Variants in MED12L observed in about 807,000 individuals in gnomAD.
The protein encoded by MED12L is mediator complex subunit 12L, also known as mediator of RNA polymerase II transcription subunit 12-like protein.
Under a neutral mutation model 281.3 loss-of-function variants are expected in MED12L, and 60 were observed. The ratio of observed to expected loss-of-function variants is 0.21; its 90% confidence interval spans 0.17 to 0.26. The LOEUF is 0.26. Ranked by LOEUF, MED12L falls within the 10% of genes least tolerant of loss-of-function variation. The pLI is 1.00. For synonymous variants in MED12L, 974 were observed against 987.2 expected (o/e 0.99, Z 0.25); for missense variants, 2,146 against 2,680.9 (o/e 0.80, Z 4.41).
In MED12L at chr3:151,160,027, C is replaced by T. The variant is rs758266947; in HGVS notation, c.1033C>T (p.Gln345Ter). The change falls in exon 8 of 45, where the codon CAG becomes TAG. Residue 345 changes from glutamine to a stop codon, truncating the protein, a stop_gained. Coordinates refer to ENST00000687756, the MANE Select transcript of MED12L (RefSeq NM_001393769.1). LOFTEE classifies it high-confidence loss of function. The part of the protein sequence containing the change: ...GPPGPGMSPV[Q>*]LAFSDFLSCA... ...CCCCGGCCCTGGCATGAGCCCCGTGCAGCTGGCCTTCTCAGATTTTCTTTC... is the reference window on the plus strand; with the variant it reads ...CCCCGGCCCTGGCATGAGCCCCGTGTAGCTGGCCTTCTCAGATTTTCTTTC... The T allele has an allele frequency of 6.2e-7, 1 of 1,614,162 alleles. No individual in the cohort carries two copies. Among genetic ancestry groups the T allele is most frequent in the Non-Finnish European group, 8.5e-7 (1 of 1,179,964 alleles).
At chr3:151,378,376 T>A (rs12497089) in intron 31 of MED12L, among the ~76,000 whole-genome samples, 43,254 of 152,146 alleles carry the variant, frequency 0.28, 7,339 homozygotes, top group Non-Finnish European at 0.38. Flanking sequence ...TTCTCAATTC[T>A]GCCTTTATAT....
At chr3:151,258,138 A>G (rs1258505175) in intron 16 of MED12L, among the ~76,000 whole-genome samples, 1 of 152,098 alleles carries the variant, frequency 6.6e-6, no homozygotes, top group Non-Finnish European at 1.5e-5. Context: ...CCTGGGATTC[A>G]TTTTCTTCCA....
chr3:151,365,199 G>C lies in MED12L; in HGVS notation c.3178G>C (p.Ala1060Pro). ...GAATGTATGTATGGGCCATCAGGAT[G>C]CTGGCAGGTGAGATGGGTTACCCTG... ...LMNVCMGHQDAGRINDIANFS... is the reference protein window; with the variant it reads ...LMNVCMGHQDPGRINDIANFS... Residue 1060 changes from alanine to proline, a missense_variant, in exon 22 of 45, where the codon GCT becomes CCT. Ala to Pro is a conservative substitution (Grantham distance 27). Transcript: ENST00000687756. 1.9e-6 allele frequency: 3 copies of C among 1,613,356 alleles called. No homozygotes were observed. The highest frequency in any genetic ancestry group is 2.2e-5 in the East Asian group (1 of 44,864).
Position 151,406,820 on chromosome 3 carries a change from A to G in MED12L, c.5821-2423A>G, listed in dbSNP as rs910172077. On this transcript the variant is annotated intron_variant, in intron 39 of 44. Coordinates refer to ENST00000687756, the MANE Select transcript of MED12L (RefSeq NM_001393769.1). ...TCTTCTTCTTTTTTTTTTTTTTTTG[A>G]GATAGGGTCTCATTCTGGTGCCCAG... 1.5e-3 allele frequency among the ~76,000 whole-genome samples: 121 copies of G among 81,098 alleles called. 1 individual carries two copies. The highest frequency in any genetic ancestry group is 0.011 in the South Asian group (31 of 2,738). 53.2% of individuals were successfully genotyped at this position (81,098 alleles called of 152,430 possible).
At chr3:151,139,439 C>T (rs1030157842) in intron 5 of MED12L, among the ~76,000 whole-genome samples, 6 of 152,184 alleles carry the variant, frequency 3.9e-5, no homozygotes, top group Non-Finnish European at 7.3e-5. Flanking sequence ...TGGACTAACT[C>T]ATGTATGTAC....
At chr3:151,143,335 A>C (rs1232999330) in intron 5 of MED12L, among the ~76,000 whole-genome samples, 3 of 152,264 alleles carry the variant, frequency 2.0e-5, no homozygotes, top group Admixed American at 2.0e-4. Flanking sequence ...CTAAATAGTA[A>C]GCACAATGCC....
intron 16 of MED12L, among the ~76,000 whole-genome samples, chr3:151,285,344 G>T (rs909827567): frequency 6.6e-6 from 1 of 152,030 alleles, no homozygotes; most frequent in African/African-American, 2.4e-5. Flanking sequence ...AATTAGCCGG[G>T]TGTGGTGGCG....
chr3:151,387,584 A>C (rs1281248709), intron 36 of MED12L, among the ~76,000 whole-genome samples: 1 of 152,180 alleles, frequency 6.6e-6, no homozygotes, highest in Non-Finnish European at 1.5e-5. Context: ...TGTTGCCTAA[A>C]CAGAGCATCA....
In MED12L at chr3:151,434,807, A is replaced by G. The variant is rs554843511; in HGVS notation, c.*2003A>G. On this transcript the variant is annotated 3_prime_UTR_variant, in exon 45 of 45. Transcript: ENST00000687756. ...ATACTGTTTTAAGAATGAGTGTTAT[A>G]ATTGCATAGCATTTGTATGCACTTT... 2.0e-5 allele frequency: 3 copies of G among 152,350 alleles called. No individual in the cohort carries two copies. Among genetic ancestry groups the G allele is most frequent in the Non-Finnish European group, 4.4e-5 (3 of 68,024 alleles). 9.4% of individuals were successfully genotyped at this position (152,350 alleles called of 1,614,324 possible).
chr3:151,195,328 T>C (rs996277225), intron 16 of MED12L, among the ~76,000 whole-genome samples: 1 of 152,172 alleles, frequency 6.6e-6, no homozygotes, highest in Admixed American at 6.5e-5. Context: ...ACCCATTTAT[T>C]TTTTTCTTAT....
At chr3:151,355,849 T>G (rs753126473) in intron 18 of MED12L, 47 bp from the exon 19 acceptor site, 13 of 1,494,016 alleles carry the variant, frequency 8.7e-6, no homozygotes, top group Non-Finnish European at 1.1e-5. Context: ...TAGTAAAAGA[T>G]TATTTAGAAT....
chr3:151,122,723 A>C (rs1713942690), intron 3 of MED12L, 60 bp from the exon 4 acceptor site: 1 of 1,144,698 alleles, frequency 8.7e-7, no homozygotes, highest in African/African-American at 1.6e-5. Context: ...ATACTAATGT[A>C]CAGTACTAAG....
At chr3:151,190,093 T>G (rs2149093408) in intron 13 of MED12L, among the ~76,000 whole-genome samples, 2 of 152,294 alleles carry the variant, frequency 1.3e-5, no homozygotes, top group Middle Eastern at 6.8e-3. Flanking sequence ...AGGACGGCAG[T>G]CTAGTCCTGC....
intron 31 of MED12L, among the ~76,000 whole-genome samples, chr3:151,378,585 T>TA (rs1267849633): frequency 3.3e-5 from 5 of 152,104 alleles, no homozygotes; most frequent in Non-Finnish European, 7.4e-5. Flanking sequence ...GCTCATATTT[T>TA]TAACATTTAG....
At position 151,430,195 on chromosome 3, in the gene MED12L, T is replaced by G. The variant is rs1452619881; in HGVS notation, c.6409-104T>G. On this transcript the variant is annotated intron_variant, in intron 43 of 44. Coordinates refer to ENST00000687756, the MANE Select transcript of MED12L (RefSeq NM_001393769.1). Reference sequence around the variant, plus strand: ...TTGTCATAGCCCTTTTTTCGTGAAGTGTTGAGAAGTACCTTACAGACTGGC... The same window carrying G: ...TTGTCATAGCCCTTTTTTCGTGAAGGGTTGAGAAGTACCTTACAGACTGGC... 3 of 1,517,142 alleles carry G rather than the reference T, an allele frequency of 2.0e-6. No individual in the cohort carries two copies. The East Asian group carries it at 6.9e-5, about 35-fold the overall frequency. 94.0% of individuals were successfully genotyped at this position (1,517,142 alleles called of 1,614,324 possible). A position where few individuals can be genotyped will look rare whatever the true frequency, so the allele number is the denominator to read the frequency against.
intron 2 of MED12L, among the ~76,000 whole-genome samples, chr3:151,109,742 T>A (rs1711581427): frequency 6.6e-6 from 1 of 152,250 alleles, no homozygotes; most frequent in Non-Finnish European, 1.5e-5. Flanking sequence ...TAAAAGTATG[T>A]CTGGATTCAT....
At chr3:151,244,874 A>G (rs1381912444) in intron 16 of MED12L, among the ~76,000 whole-genome samples, 1 of 152,160 alleles carries the variant, frequency 6.6e-6, no homozygotes, top group Non-Finnish European at 1.5e-5. Flanking sequence ...ACCGCTAGCA[A>G]GACTAATAAA....
intron 2 of MED12L, among the ~76,000 whole-genome samples, chr3:151,105,385 A>C (rs1721885664): frequency 6.6e-6 from 1 of 151,392 alleles, no homozygotes; most frequent in Admixed American, 6.6e-5. Flanking sequence ...TGTCTTCCTC[A>C]CCTCCCACTT....
chr3:151,384,260 A>C, intron 35 of MED12L, 42 bp downstream of exon 35: 1 of 1,550,506 alleles, frequency 6.4e-7, no homozygotes. Flanking sequence ...CAAGTTGTTT[A>C]TGGATTTATT....
Sources: allele counts gnomAD v4.1 joint callset (sites outside exome capture counted in the v4.1 genomes callset), GRCh38; gene constraint gnomAD v4.1.1; transcripts MANE v1.5; gene names NCBI Gene and HGNC (gene_info 2026-07-23, HGNC 2026-07-21).